BMAL2: variants seen among roughly 807,000 people sequenced by gnomAD.
BMAL2 encodes basic helix-loop-helix ARNT like 2.
At chr12:27,352,202 C>T in the BMAL2 span, among the ~76,000 whole-genome samples, 1 of 152,084 alleles carries the variant, frequency 6.6e-6, no homozygotes, top group African/African-American at 2.4e-5. Flanking sequence ...TGTTTGTGCC[C>T]CTTGACATAA....
At chr12:27,415,925 C>T in the BMAL2 span, 14 of 1,602,374 alleles carry the variant, frequency 8.7e-6, no homozygotes, top group Non-Finnish European at 1.2e-5. Context: ...ATGAAAGATA[C>T]TCATACTGTA....
At chr12:27,370,566 G>T in the BMAL2 span, among the ~76,000 whole-genome samples, 19 of 152,054 alleles carry the variant, frequency 1.2e-4, no homozygotes, top group Admixed American at 1.2e-3. Flanking sequence ...CCTTTCTGTG[G>T]CACTGTTGGT....
chr12:27,343,398 T>C, the BMAL2 span, among the ~76,000 whole-genome samples: 1 of 152,382 alleles, frequency 6.6e-6, no homozygotes, highest in East Asian at 1.9e-4. Flanking sequence ...TCTCATCTTG[T>C]TGCTACTTGA....
the BMAL2 span, among the ~76,000 whole-genome samples, chr12:27,397,586 A>G: frequency 2.0e-5 from 3 of 152,172 alleles, no homozygotes; most frequent in African/African-American, 7.2e-5. Context: ...TTTATTTCTG[A>G]TTTTGCATTA....
chr12:27,379,547 A>G, the BMAL2 span, among the ~76,000 whole-genome samples: 1 of 152,176 alleles, frequency 6.6e-6, no homozygotes, highest in South Asian at 2.1e-4. Flanking sequence ...ACCAGGAGGC[A>G]GAGAGGCTGT....
chr12:27,379,280 T>A, the BMAL2 span, among the ~76,000 whole-genome samples: 3 of 152,212 alleles, frequency 2.0e-5, no homozygotes, highest in African/African-American at 7.2e-5. Flanking sequence ...TTTAGATTTC[T>A]TGAGAATCAT....
the BMAL2 span, chr12:27,403,397 G>C: frequency 7.9e-7 from 1 of 1,268,404 alleles, no homozygotes; most frequent in South Asian, 1.2e-5. Context: ...GAAAGATAAA[G>C]TCCTCAACTG....
the BMAL2 span, among the ~76,000 whole-genome samples, chr12:27,392,962 G>C: frequency 6.6e-6 from 1 of 151,850 alleles, no homozygotes; most frequent in African/African-American, 2.4e-5. Context: ...CTCTTTACTG[G>C]TAAAGCTTGC....
At chr12:27,346,815 G>T in the BMAL2 span, among the ~76,000 whole-genome samples, 10,378 of 152,230 alleles carry the variant, frequency 0.068, 475 homozygotes, top group Non-Finnish European at 0.1. Flanking sequence ...GATCTCCAGT[G>T]TTGAAGGTGG....
the BMAL2 span, among the ~76,000 whole-genome samples, chr12:27,335,070 C>T: frequency 6.6e-6 from 1 of 152,198 alleles, no homozygotes; most frequent in African/African-American, 2.4e-5. Context: ...ATAGAACGCT[C>T]AACGAAACCT....
At chr12:27,338,841 C>T in the BMAL2 span, among the ~76,000 whole-genome samples, 1 of 152,214 alleles carries the variant, frequency 6.6e-6, no homozygotes, top group African/African-American at 2.4e-5. Flanking sequence ...GGAAAGCTCA[C>T]TGATTCCTGG....
At chr12:27,357,224 A>G in the BMAL2 span, among the ~76,000 whole-genome samples, 1 of 152,116 alleles carries the variant, frequency 6.6e-6, no homozygotes. Context: ...GCATGTGCAA[A>G]TATCTTTTTT....
At chr12:27,366,264 C>T in the BMAL2 span, among the ~76,000 whole-genome samples, 4 of 152,240 alleles carry the variant, frequency 2.6e-5, no homozygotes, top group South Asian at 6.2e-4. Flanking sequence ...TGGCCAAAAA[C>T]AATTAACACT....
chr12:27,334,936 A>G, the BMAL2 span, among the ~76,000 whole-genome samples: 1 of 152,214 alleles, frequency 6.6e-6, no homozygotes, highest in African/African-American at 2.4e-5. Flanking sequence ...GACATGACAG[A>G]ACTAGAGTTA....
At chr12:27,356,526 C>T in the BMAL2 span, among the ~76,000 whole-genome samples, 1 of 152,146 alleles carries the variant, frequency 6.6e-6, no homozygotes, top group South Asian at 2.1e-4. Flanking sequence ...GCCTTCTTTT[C>T]TCTAAGTTGC....
chr12:27,391,183 C>T, the BMAL2 span, among the ~76,000 whole-genome samples: 162 of 152,198 alleles, frequency 1.1e-3, no homozygotes, highest in African/African-American at 3.5e-3. Flanking sequence ...TCAACCCACA[C>T]GCCCTTCCCT....
At chr12:27,402,060 A>T in the BMAL2 span, among the ~76,000 whole-genome samples, 1 of 152,224 alleles carries the variant, frequency 6.6e-6, no homozygotes, top group Admixed American at 6.5e-5. Flanking sequence ...GGGTGCCGCC[A>T]TGTCTGTGTA....
At chr12:27,380,518 C>A in the BMAL2 span, 1 of 1,158,526 alleles carries the variant, frequency 8.6e-7, no homozygotes, top group Non-Finnish European at 1.3e-6. Flanking sequence ...ATGTGTCTTT[C>A]AGCTTTAGAG....
the BMAL2 span, among the ~76,000 whole-genome samples, chr12:27,362,446 A>G: frequency 6.6e-6 from 1 of 152,208 alleles, no homozygotes; most frequent in Non-Finnish European, 1.5e-5. Flanking sequence ...GAGATCTATT[A>G]TACCTGTGAA....
Sources: allele counts gnomAD v4.1 joint callset (sites outside exome capture counted in the v4.1 genomes callset), GRCh38; gene constraint gnomAD v4.1.1; transcripts MANE v1.5; gene names NCBI Gene and HGNC (gene_info 2026-07-23, HGNC 2026-07-21).